The following USP15 variants were observed in gnomAD, a reference collection of about 807,000 sequenced individuals.
The protein encoded by USP15 is ubiquitin carboxyl-terminal hydrolase 15.
Under a neutral mutation model 127.1 loss-of-function variants are expected in USP15, and 18 were observed. That is an observed-to-expected ratio of 0.14 (90% CI 0.10 to 0.21). USP15 has a LOEUF of 0.21. USP15 is among the 10% of genes least tolerant of loss of function. The pLI is 1.00. For synonymous variants in USP15, 364 were observed against 393.7 expected (o/e 0.92, Z 0.89); for missense variants, 805 against 1,159.9 (o/e 0.69, Z 4.44).
chr12:62,285,998 C>T (rs891758995), intron 1 of USP15, among the ~76,000 whole-genome samples: 1 of 152,038 alleles, frequency 6.6e-6, no homozygotes, highest in African/African-American at 2.4e-5. Flanking sequence ...TGCTTTTTCA[C>T]TGTGGTTTTA....
chr12:62,340,019 C>T (rs2065599434), intron 6 of USP15, among the ~76,000 whole-genome samples: 2 of 151,996 alleles, frequency 1.3e-5, no homozygotes, highest in Non-Finnish European at 2.9e-5. Context: ...TGGTCCTGGG[C>T]CTTTTGTGGT....
chr12:62,302,646 G>T, intron 2 of USP15, 144 bp from the exon 3 acceptor site: 2 of 681,020 alleles, frequency 2.9e-6, no homozygotes, highest in Non-Finnish European at 4.4e-6. Context: ...CCAAAAATTG[G>T]ACACCCCTGA....
intron 1 of USP15, among the ~76,000 whole-genome samples, chr12:62,285,815 C>T (rs929040063): frequency 3.9e-5 from 6 of 152,114 alleles, no homozygotes; most frequent in African/African-American, 1.2e-4. Context: ...AGTGGAATTA[C>T]TAGATCCAGT....
intron 19 of USP15, among the ~76,000 whole-genome samples, chr12:62,394,805 C>T (rs1057256589): frequency 1.9e-4 from 28 of 151,100 alleles, no homozygotes; most frequent in African/African-American, 6.6e-4. Context: ...GCTGAGATCG[C>T]GCCACTGCAC....
Position 62,389,507 on chromosome 12 carries a change from C to A in USP15, c.1550C>A (p.Ala517Glu), listed in dbSNP as rs369551158. 36 of 1,613,420 alleles carry A rather than the reference C, an allele frequency of 2.2e-5. No individual in the cohort carries two copies. Among genetic ancestry groups the A allele is most frequent in the African/African-American group, 1.1e-4 (8 of 74,860 alleles). The change falls in exon 12 of 22, where the codon GCA (alanine) becomes GAA (glutamate). Residue 517 changes from alanine to glutamate, a missense_variant. By Grantham distance (107) the Ala-to-Glu change is moderately radical (BLOSUM62 -1). Around this residue, in one of 11 missense-constraint regions of USP15, gnomAD observed 82 missense variants for 104.4 expected, o/e 0.79. Transcript: ENST00000280377. The part of the protein sequence containing the change: ...TALSALSGIP[A>E]DKMIVTDIYN... ...TTGTCTGCTTTGTCAGGAATACCTG[C>A]AGATAAGGTAAGATGTTTCTGGGGT...
intron 2 of USP15, among the ~76,000 whole-genome samples, chr12:62,299,914 TTGA>T (rs1320220424): frequency 1.3e-5 from 2 of 152,290 alleles, no homozygotes; most frequent in East Asian, 1.9e-4. Flanking sequence ...TCCCTAGTGA[TTGA>T]TGATAAGTTC....
chr12:62,366,525 G>A (rs2066482818), intron 8 of USP15, among the ~76,000 whole-genome samples: 3 of 152,030 alleles, frequency 2.0e-5, no homozygotes, highest in Admixed American at 2.0e-4. Flanking sequence ...CTCTTTTCCT[G>A]TTTGAATACC....
Position 62,412,907 on chromosome 12 carries a change from A to T in USP15, c.*8532A>T, listed in dbSNP as rs1420518592. On this transcript the variant is annotated 3_prime_UTR_variant, in exon 22 of 22. Coordinates refer to ENST00000280377, the MANE Select transcript of USP15 (RefSeq NM_001252078.2). The stretch of plus-strand genomic sequence containing the variant: ...CTGAATGAATGGCATCCAGAATAGC[A>T]AATCCTTTTCAGAAGGTTTTTATTT... The T allele has an allele frequency of 6.6e-6, 1 of 152,258 alleles. No homozygotes were observed. The highest frequency in any genetic ancestry group is 1.5e-5 in the Non-Finnish European group (1 of 68,048). 9.4% of individuals were successfully genotyped at this position (152,258 alleles called of 1,614,324 possible).
At chr12:62,266,864 C>T (rs1047249770) in intron 1 of USP15, among the ~76,000 whole-genome samples, 1 of 152,122 alleles carries the variant, frequency 6.6e-6, no homozygotes, top group Non-Finnish European at 1.5e-5. Flanking sequence ...TTTACACTTA[C>T]ATAGCCTTTA....
chr12:62,286,663 C>T lies in USP15; in HGVS notation c.90-7516C>T, dbSNP rs568477483. ...AAAGAAAATGTGATACATGGCCGGG[C>T]GTGGTGGCTCATGCCTGTAATCCCA... On this transcript the variant is annotated intron_variant, in intron 1 of 21. Transcript: ENST00000280377. 5.3e-5 allele frequency among the ~76,000 whole-genome samples: 8 copies of T among 152,252 alleles called. No individual in the cohort carries two copies. The East Asian group carries it at 9.6e-4, about 18-fold the overall frequency.
chr12:62,370,380 T>A (rs1000243032), intron 8 of USP15, among the ~76,000 whole-genome samples: 2 of 152,120 alleles, frequency 1.3e-5, no homozygotes, highest in African/African-American at 2.4e-5. Context: ...CTTTCCCATC[T>A]CCCATTCAAT....
At chr12:62,268,099 A>C (rs2063242333) in intron 1 of USP15, among the ~76,000 whole-genome samples, 1 of 152,110 alleles carries the variant, frequency 6.6e-6, no homozygotes. Context: ...TTACTATGTT[A>C]AGAGCATTTT....
At chr12:62,325,990 A>C (rs1473364705) in intron 6 of USP15, 57 bp downstream of exon 6, 37 of 1,445,246 alleles carry the variant, frequency 2.6e-5, no homozygotes, top group Non-Finnish European at 3.5e-5. Context: ...TTGATGCTAG[A>C]TAATCAAATC....
chr12:62,313,453 G>C (rs1233413734), intron 3 of USP15, among the ~76,000 whole-genome samples: 2 of 151,140 alleles, frequency 1.3e-5, no homozygotes, highest in African/African-American at 4.9e-5. Context: ...GTTTACCTTA[G>C]TTTTAGTTAC....
chr12:62,273,038 G>A (rs911738663), intron 1 of USP15, among the ~76,000 whole-genome samples: 3 of 151,840 alleles, frequency 2.0e-5, no homozygotes, highest in Admixed American at 6.6e-5. Context: ...ATTTAGTTCG[G>A]TCTCAGTCTA....
Position 62,404,378 on chromosome 12 carries a change from A to G in USP15, c.*3A>G. 1 of 1,591,582 alleles carries G rather than the reference A, an allele frequency of 6.3e-7. No homozygotes were observed. The highest frequency in any genetic ancestry group is 1.1e-5 in the South Asian group (1 of 88,012). ...AAAACTGTATGCACACTAACTAATG[A>G]AAGTCCTAGAAGCCATAAAAGAGAC... On this transcript the variant is annotated 3_prime_UTR_variant, in exon 22 of 22. Transcript: ENST00000280377.
chr12:62,371,730 C>G (rs1478747368), intron 8 of USP15, among the ~76,000 whole-genome samples: 1 of 152,100 alleles, frequency 6.6e-6, no homozygotes, highest in African/African-American at 2.4e-5. Context: ...CCTGAAGTGC[C>G]TTCTAGGTCA....
intron 18 of USP15, 106 bp downstream of exon 18, chr12:62,392,493 TTAAA>T: frequency 1.3e-6 from 1 of 783,440 alleles, no homozygotes; most frequent in Non-Finnish European, 2.0e-6. Flanking sequence ...CTTTGATGTT[TTAAA>T]TAGTAAAGGA....
intron 1 of USP15, among the ~76,000 whole-genome samples, chr12:62,289,648 TTTAG>T (rs2063895562): frequency 6.6e-6 from 1 of 151,664 alleles, no homozygotes. Flanking sequence ...CAAATTTGGA[TTTAG>T]TTCTTGTTTT....
Sources: allele counts gnomAD v4.1 joint callset (sites outside exome capture counted in the v4.1 genomes callset), GRCh38; gene constraint gnomAD v4.1.1; regional missense constraint gnomAD v4.1.1; transcripts MANE v1.5; gene names NCBI Gene and HGNC (gene_info 2026-07-23, HGNC 2026-07-21).